The following KLHL3 variants were observed in gnomAD, a reference collection of about 807,000 sequenced individuals.
KLHL3 encodes the protein kelch-like protein 3.
In KLHL3, 19 loss-of-function variants were observed where a neutral mutation model predicts 70.5. The observed-to-expected ratio is 0.27, with a 90% CI of 0.19 to 0.40. The LOEUF is 0.40. KLHL3 is among the 10% of genes least tolerant of loss of function. KLHL3 has a pLI of 1.00. For synonymous variants in KLHL3, 258 were observed against 290.3 expected (o/e 0.89, Z 1.13); for missense variants, 512 against 771.1 (o/e 0.66, Z 3.98).
intron 8 of KLHL3, among the ~76,000 whole-genome samples, chr5:137,644,164 G>A (rs1750985241): frequency 6.6e-6 from 1 of 152,108 alleles, no homozygotes. Flanking sequence ...CACCCCCCGG[G>A]TTCAAGCAAT....
intron 6 of KLHL3, among the ~76,000 whole-genome samples, chr5:137,670,673 CA>C (rs1312454752): frequency 1.3e-5 from 2 of 151,938 alleles, no homozygotes; most frequent in Non-Finnish European, 2.9e-5. Flanking sequence ...AACAAACAAA[CA>C]AACAAAAAAA....
Position 137,736,061 on chromosome 5 carries a change from C to T in KLHL3, c.-415G>A. On this transcript the variant is annotated 5_prime_UTR_variant, in exon 1 of 15. Transcript: ENST00000309755. ...GGCGATTAGCCCGCCCCTGGGGCTC[C>T]TGCCTCCTCTGTCTAGGCTGCAAAG... is the stretch of plus-strand genomic sequence containing the variant. The T allele has an allele frequency of 3.0e-6, 1 of 331,648 alleles. No individual in the cohort carries two copies. The allele number at this position is 331,648 out of a possible 1,614,324, so 20.5% of individuals were successfully genotyped here. A position where few individuals can be genotyped will look rare whatever the true frequency, so the allele number is the denominator to read the frequency against.
chr5:137,662,153 T>TTTAA, intron 6 of KLHL3, 122 bp from the exon 7 acceptor site: 1 of 625,758 alleles, frequency 1.6e-6, no homozygotes, highest in Non-Finnish European at 2.8e-6. Context: ...CACAAAGGTG[T>TTTAA]TTAATTAATC....
At chr5:137,728,450 C>T (rs1210573306) in intron 1 of KLHL3, among the ~76,000 whole-genome samples, 1 of 152,202 alleles carries the variant, frequency 6.6e-6, no homozygotes, top group African/African-American at 2.4e-5. Flanking sequence ...TCCCCCTCAA[C>T]TTTCTCTCCA....
chr5:137,677,131 G>A (rs1038734304), intron 6 of KLHL3, among the ~76,000 whole-genome samples: 2 of 151,902 alleles, frequency 1.3e-5, no homozygotes, highest in African/African-American at 4.8e-5. Flanking sequence ...AAAAAAAAAA[G>A]CTGTTGTTTT....
intron 8 of KLHL3, among the ~76,000 whole-genome samples, chr5:137,654,984 T>C (rs1234182481): frequency 6.6e-6 from 1 of 152,108 alleles, no homozygotes. Flanking sequence ...TATGGGTATA[T>C]GAGGTAAGAG....
chr5:137,643,937 G>T (rs190178543), intron 8 of KLHL3, among the ~76,000 whole-genome samples: 17 of 151,660 alleles, frequency 1.1e-4, no homozygotes, highest in African/African-American at 4.1e-4. Context: ...CTACTTCTAC[G>T]AGTTTGTCTG....
chr5:137,645,612 T>C (rs1359407529), intron 8 of KLHL3, among the ~76,000 whole-genome samples: 1 of 151,874 alleles, frequency 6.6e-6, no homozygotes, highest in Non-Finnish European at 1.5e-5. Flanking sequence ...AGGTAAAAGA[T>C]CTCTACAATG....
At chr5:137,681,767 A>AG (rs1238585117) in intron 5 of KLHL3, among the ~76,000 whole-genome samples, 4 of 152,178 alleles carry the variant, frequency 2.6e-5, no homozygotes, top group Non-Finnish European at 5.9e-5. Flanking sequence ...GTGGACACAG[A>AG]GAAAAATAAG....
intron 11 of KLHL3, 92 bp downstream of exon 11, chr5:137,637,202 C>T (rs1750787924): frequency 6.9e-6 from 7 of 1,010,864 alleles, no homozygotes; most frequent in Non-Finnish European, 1.1e-5. Flanking sequence ...GGAAAAAAAA[C>T]ACGGTAGAGG....
chr5:137,682,119 A>G (rs960315221), intron 5 of KLHL3, among the ~76,000 whole-genome samples: 1 of 152,174 alleles, frequency 6.6e-6, no homozygotes, highest in African/African-American at 2.4e-5. Context: ...TACATATATT[A>G]TGTCTCTCAA....
At chr5:137,686,281 T>C (rs1283499786) in intron 5 of KLHL3, among the ~76,000 whole-genome samples, 1 of 152,216 alleles carries the variant, frequency 6.6e-6, no homozygotes, top group Non-Finnish European at 1.5e-5. Flanking sequence ...TGGACCCAAC[T>C]GTGAAGCTCC....
intron 13 of KLHL3, 96 bp downstream of exon 13, chr5:137,628,201 C>T (rs1179832072): frequency 1.4e-6 from 2 of 1,473,970 alleles, no homozygotes; most frequent in African/African-American, 1.4e-5. Context: ...CGCTCAGCTC[C>T]AGACCCTGGG....
intron 7 of KLHL3, among the ~76,000 whole-genome samples, chr5:137,659,926 T>C (rs1036494488): frequency 6.6e-6 from 1 of 152,048 alleles, no homozygotes; most frequent in Admixed American, 6.6e-5. Flanking sequence ...CTACCTTTTG[T>C]GAAAGAAAAA....
At chr5:137,700,348 C>G (rs1279709177) in intron 3 of KLHL3, among the ~76,000 whole-genome samples, 1 of 152,168 alleles carries the variant, frequency 6.6e-6, no homozygotes, top group East Asian at 1.9e-4. Flanking sequence ...AGTTAGCCCT[C>G]AAAAAATAAG....
At position 137,735,824 on chromosome 5, in the gene KLHL3, C is replaced by T; in HGVS notation, c.-178G>A. On this transcript the variant is annotated 5_prime_UTR_variant, in exon 1 of 15. Coordinates refer to ENST00000309755, the MANE Select transcript of KLHL3 (RefSeq NM_017415.3). ...CCTCCTTCCTCTGACTTACTCGCAG[C>T]AGCTTCTACCGCAAAAGCAGCAGCA... is the stretch of plus-strand genomic sequence containing the variant. 1.3e-6 allele frequency: 1 copy of T among 771,974 alleles called. No homozygotes were observed. Among genetic ancestry groups the T allele is most frequent in the Non-Finnish European group, 2.2e-6 (1 of 450,752 alleles). The allele number at this position is 771,974 out of a possible 1,614,324, so 47.8% of individuals were successfully genotyped here.
Position 137,677,661 on chromosome 5 carries a change from C to CAAAAA in KLHL3, c.527-12_527-8dup. 2.4e-6 allele frequency: 3 copies of CAAAAA among 1,246,388 alleles called. No individual in the cohort carries two copies. The highest frequency in any genetic ancestry group is 3.3e-6 in the Non-Finnish European group (3 of 919,424). 77.2% of individuals were successfully genotyped at this position (1,246,388 alleles called of 1,614,324 possible). A position where few individuals can be genotyped will look rare whatever the true frequency, so the allele number is the denominator to read the frequency against. ...ACCTCTGGAAAGTGCTGCTCTGTTC[C>CAAAAA]AAAAAAAAAAAAAAGAAGTTAAGAA... On this transcript the variant is annotated splice_polypyrimidine_tract_variant and splice_region_variant and intron_variant, in intron 5 of 14. Transcript: ENST00000309755.
At chr5:137,712,603 A>G (rs762841393) in intron 2 of KLHL3, among the ~76,000 whole-genome samples, 2 of 152,192 alleles carry the variant, frequency 1.3e-5, no homozygotes, top group Non-Finnish European at 2.9e-5. Context: ...ATGGCTCACA[A>G]GCACTCCTAT....
At position 137,685,427 on chromosome 5, in the gene KLHL3, G is replaced by A. The variant is rs564761315; in HGVS notation, c.526+6858C>T. The stretch of plus-strand genomic sequence containing the variant: ...TTGTATTGTCAAACAAAAGTACAAC[G>A]AGTACAGAGTGCTTTCTGTTGTGTA... On this transcript the variant is annotated intron_variant, in intron 5 of 14. Transcript: ENST00000309755. Among the ~76,000 whole-genome samples, 4 of 152,344 alleles carry A rather than the reference G, an allele frequency of 2.6e-5. No homozygotes were observed. In the East Asian group the frequency reaches 5.8e-4, roughly 22 times the overall value.
Sources: allele counts gnomAD v4.1 joint callset (sites outside exome capture counted in the v4.1 genomes callset), GRCh38; gene constraint gnomAD v4.1.1; transcripts MANE v1.5; gene names NCBI Gene and HGNC (gene_info 2026-07-23, HGNC 2026-07-21).